The following DLG2 variants were observed in gnomAD, a reference collection of about 807,000 sequenced individuals.
The protein encoded by DLG2 is discs large MAGUK scaffold protein 2.
A neutral mutation model predicts 132.5 loss-of-function variants in DLG2; 45 were observed. The observed-to-expected ratio is 0.34, with a 90% confidence interval of 0.27 to 0.44. The LOEUF (loss-of-function observed/expected upper bound fraction) is 0.44, where lower values mean the gene tolerates loss of function less well. DLG2 is among the 20% of genes least tolerant of loss of function. DLG2 has a pLI of 1.00. For missense variants in DLG2, 1,045 were observed against 1,196.9 expected (o/e 0.87, Z 1.87); for synonymous variants, 424 against 419.6 (o/e 1.01, Z -0.13).
intron 2 of DLG2, among the ~76,000 whole-genome samples, chr11:85,615,905 A>G (rs188761012): frequency 1.0e-4 from 12 of 115,152 alleles, no homozygotes; most frequent in Middle Eastern, 4.6e-3. Flanking sequence ...CCTTGAACCC[A>G]CCCACCCCCC....
chr11:85,119,748 A>C (rs2074086497), intron 5 of DLG2, among the ~76,000 whole-genome samples: 1 of 152,064 alleles, frequency 6.6e-6, no homozygotes, highest in Admixed American at 6.6e-5. Flanking sequence ...ACCCCAAAAT[A>C]AAGTCAAACC....
chr11:83,800,796 AAAGACAGT>A (rs2044156975), intron 17 of DLG2, among the ~76,000 whole-genome samples: 2 of 152,210 alleles, frequency 1.3e-5, no homozygotes, highest in Admixed American at 6.5e-5. Flanking sequence ...TTAAAGGCTG[AAAGACAGT>A]AAGATCTAGA....
intron 4 of DLG2, among the ~76,000 whole-genome samples, chr11:85,182,644 G>A (rs925373254): frequency 6.6e-6 from 1 of 151,430 alleles, no homozygotes; most frequent in Non-Finnish European, 1.5e-5. Flanking sequence ...ACGCCTGTGT[G>A]AACACACACA....
chr11:85,216,367 G>T (rs2082597225), intron 4 of DLG2, among the ~76,000 whole-genome samples: 1 of 151,928 alleles, frequency 6.6e-6, no homozygotes, highest in South Asian at 2.1e-4. Context: ...AAATTCAACA[G>T]GATTAAAATC....
intron 11 of DLG2, among the ~76,000 whole-genome samples, chr11:84,007,993 C>T (rs2094658905): frequency 6.6e-6 from 1 of 151,820 alleles, no homozygotes; most frequent in South Asian, 2.1e-4. Context: ...ATACATCATA[C>T]ACTTTAAACC....
intron 18 of DLG2, among the ~76,000 whole-genome samples, chr11:83,755,920 G>A (rs1318381164): frequency 6.6e-6 from 1 of 151,362 alleles, no homozygotes; most frequent in Non-Finnish European, 1.5e-5. Flanking sequence ...ATCACTACAA[G>A]CTATGGGCCT....
chr11:85,107,759 G>A (rs962268657), intron 6 of DLG2, among the ~76,000 whole-genome samples: 3 of 151,818 alleles, frequency 2.0e-5, no homozygotes, highest in Non-Finnish European at 2.9e-5. Flanking sequence ...TAATATAGCC[G>A]CACGATAGGA....
At position 84,336,156 on chromosome 11, in the gene DLG2, C is replaced by T. The variant is rs776090562; in HGVS notation, c.520-84865G>A. Among the ~76,000 whole-genome samples the T allele has an allele frequency of 4.6e-5, 7 of 152,086 alleles. 1 individual carries two copies. Among genetic ancestry groups the T allele is most frequent in the Admixed American group, 2.0e-4 (3 of 15,276 alleles). ...ATGCTTTGCCACTTCTCTGAGTGCA[C>T]GCTTAGTTTGCCTAATGGGTAATTC... is the stretch of plus-strand genomic sequence containing the variant. On this transcript the variant is annotated intron_variant, in intron 7 of 27. Transcript: ENST00000376104.
chr11:85,182,617 G>A (rs1244386362), intron 4 of DLG2, among the ~76,000 whole-genome samples: 1 of 151,430 alleles, frequency 6.6e-6, no homozygotes, highest in African/African-American at 2.4e-5. Context: ...GAAATGGGGT[G>A]GGGTAGACTT....
At chr11:84,755,630 A>G (rs1432112872) in intron 6 of DLG2, among the ~76,000 whole-genome samples, 3 of 152,156 alleles carry the variant, frequency 2.0e-5, no homozygotes, top group African/African-American at 4.8e-5. Context: ...ACACCGTGTT[A>G]GCCAGGATGG....
chr11:84,182,834 T>C (rs12808441), intron 8 of DLG2, among the ~76,000 whole-genome samples: 10,376 of 152,036 alleles, frequency 0.068, 450 homozygotes, highest in African/African-American at 0.11. Context: ...ATCAGTAAAA[T>C]TGATAAGCCT....
intron 9 of DLG2, among the ~76,000 whole-genome samples, chr11:84,138,375 T>C (rs1284684662): frequency 6.6e-6 from 1 of 152,210 alleles, no homozygotes; most frequent in Non-Finnish European, 1.5e-5. Context: ...GCATTTCAAC[T>C]GCATCTGAAA....
At chr11:83,523,049 A>C (rs2095523151) in intron 21 of DLG2, among the ~76,000 whole-genome samples, 1 of 152,178 alleles carries the variant, frequency 6.6e-6, no homozygotes, top group Admixed American at 6.6e-5. Context: ...CTGGACATTC[A>C]CTTCTGCATC....
chr11:84,201,676 T>C (rs2096595422), intron 8 of DLG2, among the ~76,000 whole-genome samples: 1 of 151,878 alleles, frequency 6.6e-6, no homozygotes, highest in African/African-American at 2.4e-5. Context: ...CCTGGTTCGG[T>C]CTTGAAAGGG....
At chr11:83,792,781 T>C (rs915986799) in intron 17 of DLG2, among the ~76,000 whole-genome samples, 2 of 152,150 alleles carry the variant, frequency 1.3e-5, no homozygotes, top group Admixed American at 6.5e-5. Flanking sequence ...TATTTTGTTA[T>C]TATAAACAAT....
At chr11:84,969,974 G>A (rs1013874951) in intron 6 of DLG2, among the ~76,000 whole-genome samples, 6 of 152,010 alleles carry the variant, frequency 3.9e-5, no homozygotes, top group African/African-American at 9.7e-5. Flanking sequence ...CGATGAGAAC[G>A]CATGGACAGA....
chr11:84,469,803 C>A (rs1409933266), intron 7 of DLG2, among the ~76,000 whole-genome samples: 1 of 151,532 alleles, frequency 6.6e-6, no homozygotes, highest in Non-Finnish European at 1.5e-5. Flanking sequence ...GGAAATACAG[C>A]CTCATAAAAA....
At chr11:84,421,756 G>C (rs1220295814) in intron 7 of DLG2, among the ~76,000 whole-genome samples, 1 of 152,142 alleles carries the variant, frequency 6.6e-6, no homozygotes, top group Non-Finnish European at 1.5e-5. Flanking sequence ...CCATTCCCTT[G>C]TGTACCTGCT....
chr11:84,114,857 A>C (rs1323079034), intron 9 of DLG2, among the ~76,000 whole-genome samples: 1 of 145,094 alleles, frequency 6.9e-6, no homozygotes, highest in Non-Finnish European at 1.5e-5. Context: ...TTTTATAGAG[A>C]CAGGGTTTTG....
Sources: allele counts gnomAD v4.1 joint callset (sites outside exome capture counted in the v4.1 genomes callset), GRCh38; gene constraint gnomAD v4.1.1; transcripts MANE v1.5; gene names NCBI Gene and HGNC (gene_info 2026-07-23, HGNC 2026-07-21).